NALCN: variants seen among roughly 807,000 people sequenced by gnomAD.
NALCN encodes sodium leak channel, non-selective, also known as sodium leak channel NALCN.
NALCN carries 111 observed loss-of-function variants against 225.3 expected under a neutral mutation model. The ratio of observed to expected loss-of-function variants is 0.49; its 90% CI spans 0.42 to 0.58. The LOEUF is 0.58. Among genes scored for constraint, NALCN ranks in the 20% least tolerant of loss-of-function variants. The pLI is 0.00. For missense variants in NALCN, 1,378 were observed against 2,202.4 expected (o/e 0.63, Z 7.49); for synonymous variants, 764 against 769.0 (o/e 0.99, Z 0.11).
intron 7 of NALCN, among the ~76,000 whole-genome samples, chr13:101,336,364 T>G (rs940619990): frequency 1.3e-5 from 2 of 152,330 alleles, no homozygotes; most frequent in East Asian, 3.9e-4. Context: ...GTATATTTCT[T>G]CTTGTAAAAA....
intron 6 of NALCN, among the ~76,000 whole-genome samples, chr13:101,356,664 C>T (rs1480414846): frequency 4.6e-5 from 7 of 152,176 alleles, no homozygotes; most frequent in Non-Finnish European, 5.9e-5. Flanking sequence ...AAAGGAGGGA[C>T]TCCTTCCTAA....
intron 14 of NALCN, among the ~76,000 whole-genome samples, chr13:101,183,967 T>G (rs900603155): frequency 9.9e-5 from 15 of 152,220 alleles, no homozygotes; most frequent in Admixed American, 5.9e-4. Flanking sequence ...CATTTACTAT[T>G]TGGCACTTTT....
At chr13:101,123,240 G>A (rs1366490866) in intron 18 of NALCN, among the ~76,000 whole-genome samples, 1 of 152,222 alleles carries the variant, frequency 6.6e-6, no homozygotes, top group Admixed American at 6.5e-5. Context: ...GGACAGGTGA[G>A]TAAGGTCCCT....
intron 28 of NALCN, among the ~76,000 whole-genome samples, chr13:101,091,644 T>C (rs958148685): frequency 6.6e-6 from 1 of 152,234 alleles, no homozygotes; most frequent in Admixed American, 6.5e-5. Context: ...ATGTTTCCAC[T>C]AAATTTCATA....
intron 17 of NALCN, among the ~76,000 whole-genome samples, chr13:101,142,446 T>C (rs932925706): frequency 7.2e-5 from 11 of 152,068 alleles, no homozygotes; most frequent in African/African-American, 2.7e-4. Context: ...ACAGCCCTTA[T>C]ATTATTTTTT....
intron 7 of NALCN, among the ~76,000 whole-genome samples, chr13:101,330,737 C>T (rs2045137221): frequency 6.6e-6 from 1 of 152,132 alleles, no homozygotes; most frequent in African/African-American, 2.4e-5. Context: ...GGGAGGGATT[C>T]AGTGGGAGGT....
rs550770227 is a variant in NALCN at position 101,220,340 on chromosome 13, C to G, written c.1626+9053G>C. Among the ~76,000 whole-genome samples, 462 of 152,258 alleles carry G rather than the reference C, an allele frequency of 3.0e-3. 1 individual carries two copies. The highest frequency in any genetic ancestry group is 0.011 in the African/African-American group (448 of 41,554). ...GAGGGAAAAGAAACCCAGGGATGTGCGTCTGACGACAAATCTAGCCTTGAG... is the reference window on the plus strand; with the variant it reads ...GAGGGAAAAGAAACCCAGGGATGTGGGTCTGACGACAAATCTAGCCTTGAG... On this transcript the variant is annotated intron_variant, in intron 13 of 43. Transcript: ENST00000251127.
At chr13:101,118,271 C>T (rs554984419) in intron 18 of NALCN, among the ~76,000 whole-genome samples, 1 of 152,072 alleles carries the variant, frequency 6.6e-6, no homozygotes, top group Non-Finnish European at 1.5e-5. Context: ...AAACTTCCCA[C>T]ATCTGTTTGG....
intron 30 of NALCN, among the ~76,000 whole-genome samples, chr13:101,084,111 G>T (rs1474104068): frequency 6.6e-6 from 1 of 152,146 alleles, no homozygotes; most frequent in Non-Finnish European, 1.5e-5. Context: ...TTTCAAAAAA[G>T]GATACTCACT....
chr13:101,399,205 T>C (rs1278769945), intron 1 of NALCN, 40 bp from the exon 2 acceptor site: 4 of 1,527,222 alleles, frequency 2.6e-6, no homozygotes, highest in Non-Finnish European at 3.6e-6. Flanking sequence ...CTAAACCATC[T>C]TGCCCTCATC....
In NALCN at chr13:101,233,942, T is replaced by C. The variant is rs540157245; in HGVS notation, c.1434+3813A>G. On this transcript the variant is annotated intron_variant, in intron 12 of 43. Coordinates refer to ENST00000251127, the MANE Select transcript of NALCN (RefSeq NM_052867.4). The stretch of plus-strand genomic sequence containing the variant: ...CCACGCTGGCCTTTGTGCTATTCCT[T>C]GAACACATCAATCATGCACCCACCT... Among the ~76,000 whole-genome samples, 3 of 152,298 alleles carry C rather than the reference T, an allele frequency of 2.0e-5. No homozygotes were observed. The South Asian group carries it at 6.2e-4, about 32-fold the overall frequency.
chr13:101,107,655 C>T (rs2035205247), intron 21 of NALCN, 43 bp downstream of exon 21: 1 of 1,613,748 alleles, frequency 6.2e-7, no homozygotes, highest in African/African-American at 1.3e-5. Flanking sequence ...GGAAATTTTG[C>T]CATTCCCGAA....
intron 10 of NALCN, among the ~76,000 whole-genome samples, chr13:101,271,990 A>C (rs765668590): frequency 6.9e-6 from 1 of 144,142 alleles, no homozygotes; most frequent in Non-Finnish European, 1.5e-5. Context: ...GCCTGTGTGC[A>C]TGTGTGTGTC....
intron 27 of NALCN, among the ~76,000 whole-genome samples, chr13:101,098,213 C>T (rs894894015): frequency 6.6e-6 from 1 of 152,152 alleles, no homozygotes; most frequent in East Asian, 1.9e-4. Flanking sequence ...GTTGGAAGCA[C>T]AATTTCCCAT....
chr13:101,264,203 G>C lies in NALCN; in HGVS notation c.1135-5629C>G, dbSNP rs924745903. ...GTGTATGTGAGTACATACATATGTG[G>C]ATTCACATATGTGTGTGCATATTCT... On this transcript the variant is annotated intron_variant, in intron 10 of 43. Transcript: ENST00000251127. Among the ~76,000 whole-genome samples, 15 of 152,022 alleles carry C rather than the reference G, an allele frequency of 9.9e-5. No homozygotes were observed. The South Asian group carries it at 3.1e-3, about 32-fold the overall frequency.
chr13:101,101,430 G>A (rs1284462299), intron 26 of NALCN, among the ~76,000 whole-genome samples: 9 of 151,824 alleles, frequency 5.9e-5, no homozygotes, highest in South Asian at 2.1e-4. Context: ...ACAGGCACAC[G>A]CCACCAAGCC....
chr13:101,136,939 T>C (rs975752203), intron 17 of NALCN, among the ~76,000 whole-genome samples: 1 of 152,200 alleles, frequency 6.6e-6, no homozygotes, highest in African/African-American at 2.4e-5. Context: ...AGTGTTCCTA[T>C]TTCTCCACAT....
In NALCN at chr13:101,191,588, A is replaced by G. The variant is rs148620946; in HGVS notation, c.1764+329T>C. ...TCTCTACATGAGAAAAAAAATAATAATGGAGTTCCGGTTTGATCCTGAGAT... is the reference window on the plus strand; with the variant it reads ...TCTCTACATGAGAAAAAAAATAATAGTGGAGTTCCGGTTTGATCCTGAGAT... On this transcript the variant is annotated intron_variant, in intron 14 of 43. Coordinates refer to ENST00000251127, the MANE Select transcript of NALCN (RefSeq NM_052867.4). Among the ~76,000 whole-genome samples the G allele has an allele frequency of 2.4e-3, 367 of 152,282 alleles. 1 individual carries two copies. Among genetic ancestry groups the G allele is most frequent in the African/African-American group, 8.6e-3 (358 of 41,558 alleles).
Position 101,230,820 on chromosome 13 carries a change from C to A in NALCN, c.1435-1236G>T, listed in dbSNP as rs528591381. The stretch of plus-strand genomic sequence containing the variant: ...TTATATGTACTCAACTATTCTCTCT[C>A]TATATATACACGCATGTATATGTGT... On this transcript the variant is annotated intron_variant, in intron 12 of 43. Coordinates refer to ENST00000251127, the MANE Select transcript of NALCN (RefSeq NM_052867.4). Among the ~76,000 whole-genome samples, 590 of 149,330 alleles carry A rather than the reference C, an allele frequency of 4.0e-3. 3 individuals are homozygous for A. The highest frequency in any genetic ancestry group is 0.012 in the African/African-American group (515 of 41,278).
Sources: gnomAD v4.1 joint callset for allele counts (sites outside exome capture counted in the v4.1 genomes callset) on GRCh38, gnomAD v4.1.1 for gene constraint, MANE v1.5 for transcripts, NCBI Gene and HGNC (gene_info 2026-07-23, HGNC 2026-07-21) for gene names.